Variants in LINGO1 observed in about 807,000 individuals in gnomAD.
LINGO1 encodes leucine rich repeat and Ig domain containing 1.
In LINGO1, 11 loss-of-function variants were observed where a neutral mutation model predicts 37.3. The ratio of observed to expected loss-of-function variants is 0.29; its 90% confidence interval spans 0.19 to 0.49. The LOEUF (loss-of-function observed/expected upper bound fraction) is 0.49, where lower values mean the gene tolerates loss of function less well. Ranked by LOEUF, LINGO1 falls within the 20% of genes least tolerant of loss-of-function variation. LINGO1 has a pLI of 0.99. For synonymous variants in LINGO1, 387 were observed against 403.0 expected (o/e 0.96, Z 0.48); for missense variants, 585 against 878.2 (o/e 0.67, Z 4.22).
Position 77,632,486 on chromosome 15 carries a change from C to G in LINGO1, c.-171G>C. 1 of 604,006 alleles carries G rather than the reference C, an allele frequency of 1.7e-6. No homozygotes were observed. Among genetic ancestry groups the G allele is most frequent in the Non-Finnish European group, 2.4e-6 (1 of 425,162 alleles). 37.4% of individuals were successfully genotyped at this position (604,006 alleles called of 1,614,324 possible). A position where few individuals can be genotyped will look rare whatever the true frequency, so the allele number is the denominator to read the frequency against. ...GGGCTGGCTGTCCGTCTGTCCGCCC[C>G]GCGCGGGCGGGAGCCGAGCCGGAGC... On this transcript the variant is annotated 5_prime_UTR_variant, in exon 1 of 2. Transcript: ENST00000355300. The surrounding 1 kb of genome is among the most constrained non-coding windows in gnomAD (Gnocchi z 6.0).
At chr15:77,737,117 C>G (rs1196014741) in intron 1 of LINGO1, among the ~76,000 whole-genome samples, 2 of 152,186 alleles carry the variant, frequency 1.3e-5, no homozygotes, top group Admixed American at 1.3e-4. Context: ...CTCTGGGTGC[C>G]TTCCAAAAGG....
intron 2 of LINGO1, among the ~76,000 whole-genome samples, chr15:77,684,558 GGCACGGTGGAGGGT>G (rs2075471062): frequency 6.6e-6 from 1 of 152,208 alleles, no homozygotes; most frequent in African/African-American, 2.4e-5. Flanking sequence ...GCAGAAGCTG[GGCACGGTGGAGGGT>G]GCACCAGGGT....
At chr15:77,702,298 G>A (rs80103481) in intron 2 of LINGO1, among the ~76,000 whole-genome samples, 5 of 152,138 alleles carry the variant, frequency 3.3e-5, no homozygotes, top group Non-Finnish European at 5.9e-5. Context: ...CAGGCTGGGG[G>A]ACACCTGCAT....
chr15:77,782,245 A>G (rs1396317253), intron 1 of LINGO1, among the ~76,000 whole-genome samples: 1 of 141,002 alleles, frequency 7.1e-6, no homozygotes, highest in Non-Finnish European at 1.6e-5. Context: ...ACACACACAC[A>G]CGTGCCCGCA....
intron 1 of LINGO1, among the ~76,000 whole-genome samples, chr15:77,753,313 C>T (rs1296843383): frequency 1.3e-5 from 2 of 152,212 alleles, no homozygotes; most frequent in Non-Finnish European, 2.9e-5. Flanking sequence ...AGCTAAGCTT[C>T]CGTGGGCCCT....
At chr15:77,650,816 T>G (rs1450940666) in intron 3 of LINGO1, among the ~76,000 whole-genome samples, 1 of 151,392 alleles carries the variant, frequency 6.6e-6, no homozygotes, top group Non-Finnish European at 1.5e-5. Context: ...CTAACACAGG[T>G]GATGGGATAA....
intron 1 of LINGO1, among the ~76,000 whole-genome samples, chr15:77,623,612 C>T (rs1022065098): frequency 6.6e-6 from 1 of 152,184 alleles, no homozygotes. Context: ...TGGCGGACTG[C>T]GCGGCTGGGG....
At chr15:77,759,183 G>A (rs770029113) in intron 1 of LINGO1, among the ~76,000 whole-genome samples, 1 of 152,328 alleles carries the variant, frequency 6.6e-6, no homozygotes, top group Non-Finnish European at 1.5e-5. Flanking sequence ...CCATGCACAC[G>A]CACATGCATA....
chr15:77,768,037 C>A (rs1210529447), intron 1 of LINGO1, among the ~76,000 whole-genome samples: 2 of 152,244 alleles, frequency 1.3e-5, no homozygotes, highest in Non-Finnish European at 2.9e-5. Context: ...CAGGGAAGGA[C>A]AGAAGACTGT....
At chr15:77,758,957 G>A (rs2076447748) in intron 1 of LINGO1, among the ~76,000 whole-genome samples, 1 of 152,074 alleles carries the variant, frequency 6.6e-6, no homozygotes, top group Non-Finnish European at 1.5e-5. Flanking sequence ...CCAGAGTGGG[G>A]TCCACTCCAC....
chr15:77,814,515 A>ACTTCCCTT (rs374512770), intron 1 of LINGO1, among the ~76,000 whole-genome samples: 5 of 152,338 alleles, frequency 3.3e-5, no homozygotes, highest in African/African-American at 1.2e-4. Context: ...AACCTGACCC[A>ACTTCCCTT]CTTCCCTTTC....
intron 1 of LINGO1, among the ~76,000 whole-genome samples, chr15:77,693,076 GCA>G (rs368491086): frequency 5.3e-5 from 8 of 151,896 alleles, no homozygotes; most frequent in East Asian, 1.9e-4. Context: ...GTGCACGCGT[GCA>G]CACACACACA....
chr15:77,650,438 T>A (rs1289189461), intron 3 of LINGO1, among the ~76,000 whole-genome samples: 1 of 152,208 alleles, frequency 6.6e-6, no homozygotes, highest in African/African-American at 2.4e-5. Context: ...CAGGGAAGAC[T>A]AGCAGAGGGT....
At chr15:77,640,389 A>G (rs985387098) in intron 3 of LINGO1, among the ~76,000 whole-genome samples, 3 of 152,222 alleles carry the variant, frequency 2.0e-5, no homozygotes, top group Admixed American at 2.0e-4. Flanking sequence ...CATGGGCTCA[A>G]ATCACGGACA....
At chr15:77,794,590 A>ATATATTTTT (rs1381588807) in intron 2 of LINGO1, among the ~76,000 whole-genome samples, 1 of 93,504 alleles carries the variant, frequency 1.1e-5, no homozygotes, top group African/African-American at 4.1e-5. Flanking sequence ...ATATATATAT[A>ATATATTTTT]TTTTTTTTTT....
chr15:77,695,384 A>G (rs1249463957), intron 1 of LINGO1, among the ~76,000 whole-genome samples: 3 of 152,126 alleles, frequency 2.0e-5, no homozygotes, highest in African/African-American at 4.8e-5. Flanking sequence ...CTGAATGGAC[A>G]TGGGAACCCT....
rs977911148 is a variant in LINGO1 at position 77,678,267 on chromosome 15, T to C, written c.-98-1093A>G. On this transcript the variant is annotated intron_variant, in intron 2 of 3. Transcript: ENST00000559893. Reference sequence around the variant, plus strand: ...CAACTGCGTGTGGCTGTGTAACCACTATGGCCATCAAGGTACAGAACAATC... The same window carrying C: ...CAACTGCGTGTGGCTGTGTAACCACCATGGCCATCAAGGTACAGAACAATC... 1.1e-4 allele frequency among the ~76,000 whole-genome samples: 16 copies of C among 152,200 alleles called. 1 individual carries two copies. Among genetic ancestry groups the C allele is most frequent in the African/African-American group, 3.9e-4 (16 of 41,436 alleles).
At chr15:77,744,504 A>G (rs1156954752) in intron 1 of LINGO1, among the ~76,000 whole-genome samples, 1 of 152,260 alleles carries the variant, frequency 6.6e-6, no homozygotes, top group Admixed American at 6.5e-5. Flanking sequence ...ACTGTACTCC[A>G]GCCTGGACAA....
intron 3 of LINGO1, among the ~76,000 whole-genome samples, chr15:77,645,724 A>G (rs1182796026): frequency 6.6e-6 from 1 of 152,162 alleles, no homozygotes; most frequent in East Asian, 1.9e-4. Flanking sequence ...CTGGCTCCAG[A>G]CCCGCTTTAG....
Sources: allele counts gnomAD v4.1 joint callset (sites outside exome capture counted in the v4.1 genomes callset), GRCh38; gene constraint gnomAD v4.1.1; non-coding constraint Gnocchi (gnomAD v3.1); transcripts MANE v1.5; gene names NCBI Gene and HGNC (gene_info 2026-07-23, HGNC 2026-07-21).